Variants in TMEM108 observed in about 807,000 individuals in gnomAD.
The protein encoded by TMEM108 is cancer/testis antigen 124.
In TMEM108, 12 loss-of-function variants were observed where a neutral mutation model predicts 35.1. The observed-to-expected ratio is 0.34, with a 90% CI of 0.22 to 0.55. TMEM108 has a LOEUF of 0.55. Among genes scored for constraint, TMEM108 ranks in the 20% least tolerant of loss-of-function variants. The pLI is 0.89. For synonymous variants in TMEM108, 287 were observed against 308.6 expected, an observed-to-expected ratio of 0.93 and a Z score of 0.73; for missense variants, 680 against 753.3, an observed-to-expected ratio of 0.90 and a Z score of 1.14.
At chr3:133,039,393 A>G (rs1943246657) in intron 1 of TMEM108, among the ~76,000 whole-genome samples, 1 of 152,194 alleles carries the variant, frequency 6.6e-6, no homozygotes, top group African/African-American at 2.4e-5. Flanking sequence ...AAACCTACTC[A>G]CACGTCCTTA....
At chr3:133,229,516 C>T (rs1256263955) in intron 3 of TMEM108, among the ~76,000 whole-genome samples, 165 bp downstream of exon 3, 1 of 152,164 alleles carries the variant, frequency 6.6e-6, no homozygotes, top group Admixed American at 6.5e-5. Flanking sequence ...TTAAGTCATT[C>T]TAAGATCTCT....
intron 2 of TMEM108, among the ~76,000 whole-genome samples, chr3:133,173,881 A>G (rs1180262264): frequency 6.6e-6 from 1 of 152,250 alleles, no homozygotes; most frequent in East Asian, 1.9e-4. Context: ...AGGGTGAGGC[A>G]TCACCTCATC....
At chr3:133,055,372 G>A (rs1462976064) in intron 2 of TMEM108, among the ~76,000 whole-genome samples, 4 of 152,138 alleles carry the variant, frequency 2.6e-5, no homozygotes, top group Non-Finnish European at 5.9e-5. Flanking sequence ...ATAGAATCAG[G>A]AATTAATTTG....
intron 2 of TMEM108, chr3:133,120,998 AT>A (rs1419447326): frequency 6.6e-6 from 1 of 152,222 alleles, no homozygotes; most frequent in East Asian, 1.9e-4. Context: ...CTGTATCGAT[AT>A]GTTATCTCAT....
At chr3:133,216,318 A>C (rs1270201025) in intron 2 of TMEM108, among the ~76,000 whole-genome samples, 1 of 151,818 alleles carries the variant, frequency 6.6e-6, no homozygotes, top group Non-Finnish European at 1.5e-5. Context: ...TATTAGGCTC[A>C]CTCTCCTTAA....
chr3:133,185,989 A>G (rs1945415591), intron 2 of TMEM108, among the ~76,000 whole-genome samples: 1 of 151,912 alleles, frequency 6.6e-6, no homozygotes, highest in Admixed American at 6.6e-5. Flanking sequence ...GCTGGTCTTG[A>G]ACTCCTGACT....
intron 3 of TMEM108, among the ~76,000 whole-genome samples, chr3:133,254,584 G>T (rs1044495913): frequency 6.6e-6 from 1 of 151,976 alleles, no homozygotes; most frequent in Non-Finnish European, 1.5e-5. Context: ...AAGAAAGCAA[G>T]CTATGATAAG....
At chr3:133,154,163 G>A (rs1944842531) in intron 2 of TMEM108, among the ~76,000 whole-genome samples, 1 of 151,500 alleles carries the variant, frequency 6.6e-6, no homozygotes, top group Admixed American at 6.6e-5. Context: ...AAATTTGTTT[G>A]AGTTCATTGT....
At chr3:133,151,230 C>T (rs1944796371) in intron 2 of TMEM108, among the ~76,000 whole-genome samples, 1 of 151,962 alleles carries the variant, frequency 6.6e-6, no homozygotes, top group South Asian at 2.1e-4. Flanking sequence ...TTTCTGTTGC[C>T]CCCTTAGGAC....
In TMEM108 at chr3:133,263,218, AG is replaced by A. The variant is rs546207761; in HGVS notation, c.40+33870del. The stretch of plus-strand genomic sequence containing the variant: ...TTGAAATACTGTAGTGGTAAATTAA[AG>A]GGAAGGAACTGGAGTGGCAAGTGAG... On this transcript the variant is annotated intron_variant, in intron 3 of 5. Coordinates refer to ENST00000321871, the MANE Select transcript of TMEM108 (RefSeq NM_023943.4). Among the ~76,000 whole-genome samples, 945 of 152,348 alleles carry A rather than the reference AG, an allele frequency of 6.2e-3. 12 individuals are homozygous for A. Among genetic ancestry groups the A allele is most frequent in the African/African-American group, 0.021 (888 of 41,578 alleles).
intron 2 of TMEM108, chr3:133,074,254 C>A (rs1943713556): frequency 2.0e-5 from 3 of 151,972 alleles, no homozygotes; most frequent in Admixed American, 2.0e-4. Flanking sequence ...TTCCTTTTAT[C>A]TTCATATTTC....
At chr3:133,219,986 T>A (rs959036784) in intron 2 of TMEM108, among the ~76,000 whole-genome samples, 1 of 152,208 alleles carries the variant, frequency 6.6e-6, no homozygotes, top group African/African-American at 2.4e-5. Context: ...TGTATGTAGG[T>A]GCTCCAATGT....
intron 4 of TMEM108, chr3:133,387,691 A>C: frequency 1.6e-6 from 1 of 626,604 alleles, no homozygotes; most frequent in Non-Finnish European, 2.0e-6. Flanking sequence ...TTCAGCACCT[A>C]CTGTGCACCA....
At chr3:133,159,567 A>G (rs1466128661) in intron 2 of TMEM108, among the ~76,000 whole-genome samples, 1 of 152,184 alleles carries the variant, frequency 6.6e-6, no homozygotes, top group African/African-American at 2.4e-5. Flanking sequence ...GAAGCCCACT[A>G]TGATGATGAT....
At chr3:133,061,304 C>T (rs571192355) in intron 2 of TMEM108, among the ~76,000 whole-genome samples, 11 of 151,412 alleles carry the variant, frequency 7.3e-5, no homozygotes, top group South Asian at 4.2e-4. Context: ...CTCCGCATCC[C>T]GGGTTCACGC....
At chr3:133,329,246 A>C (rs960550370) in intron 3 of TMEM108, among the ~76,000 whole-genome samples, 1 of 152,278 alleles carries the variant, frequency 6.6e-6, no homozygotes, top group Admixed American at 6.5e-5. Context: ...CTTTAAAAAA[A>C]CATTAACACC....
At chr3:133,309,067 A>C (rs1026703069) in intron 3 of TMEM108, among the ~76,000 whole-genome samples, 1 of 152,126 alleles carries the variant, frequency 6.6e-6, no homozygotes, top group African/African-American at 2.4e-5. Context: ...CAGAGATTCA[A>C]CTTCTTCCTG....
intron 3 of TMEM108, among the ~76,000 whole-genome samples, chr3:133,264,433 G>A (rs562770469): frequency 2.8e-4 from 43 of 152,326 alleles, no homozygotes; most frequent in African/African-American, 9.6e-4. Flanking sequence ...GCAGCTGCAC[G>A]TCTGTGGTTA....
chr3:133,269,679 T>C (rs759920764), intron 3 of TMEM108, among the ~76,000 whole-genome samples: 1 of 152,224 alleles, frequency 6.6e-6, no homozygotes, highest in African/African-American at 2.4e-5. Flanking sequence ...CAGTTTTTAA[T>C]TGGACTCTCA....
Sources: gnomAD v4.1 joint callset for allele counts (sites outside exome capture counted in the v4.1 genomes callset) on GRCh38, gnomAD v4.1.1 for gene constraint, MANE v1.5 for transcripts, NCBI Gene and HGNC (gene_info 2026-07-23, HGNC 2026-07-21) for gene names.